OTUD7A: variants seen among roughly 807,000 people sequenced by gnomAD.
The protein encoded by OTUD7A is OTU domain-containing protein 7A.
Under a neutral mutation model 65.7 loss-of-function variants are expected in OTUD7A, and 12 were observed. That is an observed-to-expected ratio of 0.18 (90% CI 0.12 to 0.30). OTUD7A has a LOEUF of 0.30. Ranked by LOEUF, OTUD7A falls within the 10% of genes least tolerant of loss-of-function variation. The pLI is 1.00. For missense variants in OTUD7A, 1,148 were observed against 1,304.8 expected, an observed-to-expected ratio of 0.88 and a Z score of 1.85; for synonymous variants, 641 against 586.3, an observed-to-expected ratio of 1.09 and a Z score of -1.35.
intron 8 of OTUD7A, among the ~76,000 whole-genome samples, chr15:31,507,356 TTTTTTTGTGTGTGTGTGGAAGTTTA>T (rs947702443): frequency 3.9e-5 from 6 of 152,076 alleles, no homozygotes; most frequent in African/African-American, 9.7e-5. Flanking sequence ...ATCTGTATGT[TTTTTTTGTGTGTGTGTGGAAGTTTA>T]ACTTTGCTCT....
rs556247163 is a variant in OTUD7A at position 31,866,414 on chromosome 15, G to A, written c.-100+4093C>T. On this transcript the variant is annotated intron_variant, in intron 1 of 12. Transcript: ENST00000307050. ...CAACACAGGCAAGTAATAAGGCAGC[G>A]TCCGGCCCTTCTCTCCATTTCAGCT... Among the ~76,000 whole-genome samples the A allele has an allele frequency of 4.6e-5, 7 of 152,292 alleles. No individual in the cohort carries two copies. In the East Asian group the frequency reaches 7.7e-4, roughly 17 times the overall value.
At chr15:31,825,347 T>A (rs1595795449) in intron 1 of OTUD7A, among the ~76,000 whole-genome samples, 1 of 152,204 alleles carries the variant, frequency 6.6e-6, no homozygotes, top group South Asian at 2.1e-4. Flanking sequence ...ACATCTTACA[T>A]GGATGGAAGC....
intron 3 of OTUD7A, among the ~76,000 whole-genome samples, chr15:31,652,107 A>C (rs552869730): frequency 6.6e-6 from 1 of 152,356 alleles, no homozygotes; most frequent in African/African-American, 2.4e-5. Context: ...TACAGAAATC[A>C]ATATGGCACA....
intron 1 of OTUD7A, among the ~76,000 whole-genome samples, chr15:31,854,512 C>A (rs767957845): frequency 2.6e-5 from 4 of 152,160 alleles, no homozygotes; most frequent in African/African-American, 4.8e-5. Context: ...CTTGGTCCCC[C>A]ACCTCCAATG....
chr15:31,832,057 G>C (rs1240987738), intron 1 of OTUD7A, among the ~76,000 whole-genome samples: 2 of 152,234 alleles, frequency 1.3e-5, no homozygotes, highest in Admixed American at 6.5e-5. Flanking sequence ...GTATGGATTT[G>C]TCACGGCTCA....
At chr15:31,626,881 TTG>T (rs1890969738) in intron 3 of OTUD7A, among the ~76,000 whole-genome samples, 2 of 140,560 alleles carry the variant, frequency 1.4e-5, no homozygotes, top group African/African-American at 5.6e-5. Flanking sequence ...CGGCCTATAT[TTG>T]TTTTTTTTTT....
Position 31,729,095 on chromosome 15 carries a change from ATTG to A in OTUD7A, c.-99-72021_-99-72019del, listed in dbSNP as rs551032504. On this transcript the variant is annotated intron_variant, in intron 1 of 12. Coordinates refer to ENST00000307050, the MANE Select transcript of OTUD7A (RefSeq NM_001382637.1). ...ATGTTGTGATAATTATTTCTAAATT[ATTG>A]TTGTTAATCTCTTACTATACCTAAT... is the stretch of plus-strand genomic sequence containing the variant. 1.6e-4 allele frequency among the ~76,000 whole-genome samples: 25 copies of A among 152,330 alleles called. No homozygotes were observed. The South Asian group carries it at 3.7e-3, about 23-fold the overall frequency.
intron 10 of OTUD7A, among the ~76,000 whole-genome samples, chr15:31,490,013 A>C (rs2041295656): frequency 6.6e-6 from 1 of 152,310 alleles, no homozygotes; most frequent in East Asian, 1.9e-4. Context: ...GGCTCAAAGG[A>C]AGGCTTTTCT....
chr15:31,615,665 G>A (rs1890564335), intron 3 of OTUD7A, among the ~76,000 whole-genome samples: 2 of 152,160 alleles, frequency 1.3e-5, no homozygotes, highest in Non-Finnish European at 2.9e-5. Flanking sequence ...AACATGGAAC[G>A]TTTACCAAAA....
chr15:31,648,059 G>C (rs915371658), intron 3 of OTUD7A, among the ~76,000 whole-genome samples: 2 of 152,172 alleles, frequency 1.3e-5, no homozygotes, highest in Admixed American at 6.5e-5. Flanking sequence ...AATGGGGACG[G>C]AGTATGAAAA....
intron 8 of OTUD7A, among the ~76,000 whole-genome samples, chr15:31,511,041 CAT>C (rs796400744): frequency 2.2e-4 from 3 of 13,864 alleles, no homozygotes; most frequent in Non-Finnish European, 3.4e-4. Context: ...ATGTAACATA[CAT>C]GTATATCTAT....
At chr15:31,825,959 T>A (rs907433092) in intron 1 of OTUD7A, among the ~76,000 whole-genome samples, 1 of 152,214 alleles carries the variant, frequency 6.6e-6, no homozygotes, top group Admixed American at 6.5e-5. Context: ...GTTCCCATGG[T>A]CTTGGGCAGC....
Position 31,483,369 on chromosome 15 carries a change from C to A in OTUD7A, c.2727G>T (p.Glu909Asp). ...AGCAGTAGGAGCAGTAGTGCTCGGT[C>A]TCGGCGCGCCCGTAGAACGCACAGT... The part of the protein sequence containing the change: ...RENCAFYGRA[E>D]TEHYCSYCYR... Residue 909 changes from glutamate to aspartate, a missense_variant, in exon 13 of 13, where the codon GAG becomes GAT. Coordinates refer to ENST00000307050, the MANE Select transcript of OTUD7A (RefSeq NM_001382637.1). 7.7e-7 allele frequency: 1 copy of A among 1,299,846 alleles called. No individual in the cohort carries two copies. Among genetic ancestry groups the A allele is most frequent in the Non-Finnish European group, 9.8e-7 (1 of 1,021,352 alleles). 80.5% of individuals were successfully genotyped at this position (1,299,846 alleles called of 1,614,324 possible).
intron 1 of OTUD7A, among the ~76,000 whole-genome samples, chr15:31,837,545 C>CA (rs933817627): frequency 1.9e-4 from 28 of 147,664 alleles, no homozygotes; most frequent in East Asian, 5.9e-4. Flanking sequence ...GACTCCATCT[C>CA]AAAAAAAAAT....
intron 3 of OTUD7A, among the ~76,000 whole-genome samples, chr15:31,648,983 A>G (rs1454716417): frequency 6.6e-6 from 1 of 151,920 alleles, no homozygotes; most frequent in Non-Finnish European, 1.5e-5. Flanking sequence ...CTGGTCTCGA[A>G]CTCCTGACCT....
rs1315819462 is a variant in OTUD7A at position 31,819,424 on chromosome 15, T to TA, written c.-100+51082dup. Among the ~76,000 whole-genome samples the TA allele has an allele frequency of 9.2e-5, 14 of 152,230 alleles. No individual in the cohort carries two copies. In the East Asian group the frequency reaches 1.7e-3, roughly 19 times the overall value. ...CTAAAATTATCTAAAAACCAAAAAG[T>TA]AAAAAAATGTAGACCTGCATTTATT... On this transcript the variant is annotated intron_variant, in intron 1 of 12. Coordinates refer to ENST00000307050, the MANE Select transcript of OTUD7A (RefSeq NM_001382637.1).
In OTUD7A at chr15:31,498,512, T is replaced by C. The variant is rs935337298; in HGVS notation, c.1171+3178A>G. On this transcript the variant is annotated intron_variant, in intron 10 of 12. Coordinates refer to ENST00000307050, the MANE Select transcript of OTUD7A (RefSeq NM_001382637.1). The surrounding 1 kb of genome is among the most constrained non-coding windows in gnomAD (Gnocchi z 4.2). ...CTAGGTTCTATGTTTCCAGGAACTA[T>C]GCGGCACCTCTGCTTCTCCTGTTAA... Among the ~76,000 whole-genome samples, 1 of 152,188 alleles carries C rather than the reference T, an allele frequency of 6.6e-6. No homozygotes were observed. Among genetic ancestry groups the C allele is most frequent in the South Asian group, 2.1e-4 (1 of 4,828 alleles).
intron 3 of OTUD7A, among the ~76,000 whole-genome samples, chr15:31,621,303 T>G (rs1342048208): frequency 1.3e-5 from 2 of 152,142 alleles, no homozygotes; most frequent in African/African-American, 4.8e-5. Flanking sequence ...CAGAGCTGAG[T>G]TCAATTCCTG....
intron 1 of OTUD7A, among the ~76,000 whole-genome samples, chr15:31,712,099 A>C (rs1401371533): frequency 6.6e-6 from 1 of 151,980 alleles, no homozygotes; most frequent in African/African-American, 2.4e-5. Context: ...GCAGAGGGTC[A>C]GTAGTTAACT....
Sources: gnomAD v4.1 joint callset for allele counts (sites outside exome capture counted in the v4.1 genomes callset) on GRCh38, gnomAD v4.1.1 for gene constraint, Gnocchi (gnomAD v3.1) non-coding constraint, MANE v1.5 for transcripts, NCBI Gene and HGNC (gene_info 2026-07-23, HGNC 2026-07-21) for gene names.